The following SEMA3E variants were observed in gnomAD, a reference collection of about 807,000 sequenced individuals.
The protein encoded by SEMA3E is semaphorin 3E.
In SEMA3E, 49 loss-of-function variants were observed where a neutral mutation model predicts 93.6. The observed-to-expected ratio is 0.52, with a 90% CI of 0.42 to 0.66. The LOEUF is 0.66. Ranked by LOEUF, SEMA3E falls within the 30% of genes least tolerant of loss-of-function variation. SEMA3E has a pLI of 0.00. For synonymous variants in SEMA3E, 363 were observed against 330.7 expected (o/e 1.10, Z -1.06); for missense variants, 906 against 964.8 (o/e 0.94, Z 0.81).
chr7:83,385,416 T>A lies in SEMA3E; in HGVS notation c.1753A>T (p.Thr585Ser), dbSNP rs1166890439. Residue 585 changes from threonine (T) to serine (S), a missense_variant, in exon 16 of 17, where the codon ACT (threonine) becomes TCT (serine). Coordinates refer to ENST00000643230, the MANE Select transcript of SEMA3E (RefSeq NM_012431.3). Reference sequence around the variant, plus strand: ...ATGCCATAAGCCAGATGTTCTTCAGTCTTATCCAAAGCATCCCCTACAACA... The same window carrying A: ...ATGCCATAAGCCAGATGTTCTTCAGACTTATCCAAAGCATCCCCTACAACA... ...QQFVGDALDK[T>S]EEHLAYGIEN... 6.2e-7 allele frequency: 1 copy of A among 1,613,450 alleles called. No individual in the cohort carries two copies. Among genetic ancestry groups the A allele is most frequent in the Non-Finnish European group, 8.5e-7 (1 of 1,179,536 alleles).
intron 4 of SEMA3E, among the ~76,000 whole-genome samples, chr7:83,463,765 C>A (rs1396734857): frequency 6.6e-6 from 1 of 152,128 alleles, no homozygotes; most frequent in African/African-American, 2.4e-5. Flanking sequence ...GAAATCTATC[C>A]TCAAGGAAAT....
chr7:83,413,791 TGTTTA>T (rs1788489239), intron 5 of SEMA3E, among the ~76,000 whole-genome samples: 1 of 152,166 alleles, frequency 6.6e-6, no homozygotes, highest in Admixed American at 6.6e-5. Context: ...CTTTTGAATC[TGTTTA>T]TTTGTGTGTG....
intron 1 of SEMA3E, among the ~76,000 whole-genome samples, chr7:83,558,119 A>T (rs1791957910): frequency 6.6e-6 from 1 of 152,158 alleles, no homozygotes; most frequent in South Asian, 2.1e-4. Flanking sequence ...TAATATTTGT[A>T]ATTTAACAAT....
rs116591136 is a variant in SEMA3E, at chr7:83,588,693, T to C, written c.115+59735A>G. On this transcript the variant is annotated intron_variant, in intron 1 of 16. Coordinates refer to ENST00000643230, the MANE Select transcript of SEMA3E (RefSeq NM_012431.3). ...CTCTATCCTACTCACCTTAAAATGA[T>C]TTAATTTTGATCCTAAATGTTTTAA... 6.2e-3 allele frequency among the ~76,000 whole-genome samples: 940 copies of C among 152,292 alleles called. 9 individuals carry two copies. Among genetic ancestry groups the C allele is most frequent in the African/African-American group, 0.022 (904 of 41,562 alleles).
intron 1 of SEMA3E, among the ~76,000 whole-genome samples, chr7:83,549,159 G>A (rs1250310234): frequency 6.6e-6 from 1 of 152,066 alleles, no homozygotes; most frequent in Non-Finnish European, 1.5e-5. Context: ...CAATTTTTGA[G>A]TTATATGGAA....
intron 2 of SEMA3E, among the ~76,000 whole-genome samples, chr7:83,477,943 G>A (rs1009569166): frequency 1.5e-4 from 22 of 149,816 alleles, no homozygotes; most frequent in African/African-American, 4.4e-4. Context: ...TTTTTGAGAC[G>A]GAGTTTCACT....
intron 4 of SEMA3E, among the ~76,000 whole-genome samples, chr7:83,419,079 T>C: frequency 6.6e-6 from 1 of 150,540 alleles, no homozygotes; most frequent in Admixed American, 6.7e-5. Context: ...CTCCAGTCTC[T>C]ATTATTGCCA....
chr7:83,392,882 A>G (rs1429204114), intron 13 of SEMA3E, among the ~76,000 whole-genome samples, 161 bp from the exon 14 acceptor site: 1 of 152,070 alleles, frequency 6.6e-6, no homozygotes, highest in Non-Finnish European at 1.5e-5. Flanking sequence ...AGCCTGCACA[A>G]CATGGCAAAA....
Position 83,367,522 on chromosome 7 carries a change from A to ATTTAT in SEMA3E, c.*63_*64insATAAA. On this transcript the variant is annotated 3_prime_UTR_variant, in exon 17 of 17. Coordinates refer to ENST00000643230, the MANE Select transcript of SEMA3E (RefSeq NM_012431.3). Reference sequence around the variant, plus strand: ...GTAATGCAAAGAAGTTGGATGATTTATTTTTTTACTTTTTTACTTTCCAAA... The same window carrying ATTTAT: ...GTAATGCAAAGAAGTTGGATGATTTATTTATTTTTTTTACTTTTTTACTTTCCAAA... The ATTTAT allele has an allele frequency of 6.5e-7, 1 of 1,535,110 alleles. No individual in the cohort carries two copies. Among genetic ancestry groups the ATTTAT allele is most frequent in the African/African-American group, 1.4e-5 (1 of 73,138 alleles).
At chr7:83,620,720 G>C (rs1464526795) in intron 1 of SEMA3E, among the ~76,000 whole-genome samples, 1 of 151,792 alleles carries the variant, frequency 6.6e-6, no homozygotes, top group East Asian at 1.9e-4. Context: ...AATTCATCAC[G>C]TAAACAGAAG....
At chr7:83,503,207 C>T (rs955186668) in intron 1 of SEMA3E, among the ~76,000 whole-genome samples, 7 of 151,900 alleles carry the variant, frequency 4.6e-5, no homozygotes, top group East Asian at 1.9e-4. Flanking sequence ...ACAGCTACTG[C>T]GTATTTTTAG....
chr7:83,591,121 A>AAAC lies in SEMA3E; in HGVS notation c.115+57306_115+57307insGTT, dbSNP rs1301693114. On this transcript the variant is annotated intron_variant, in intron 1 of 16. Coordinates refer to ENST00000643230, the MANE Select transcript of SEMA3E (RefSeq NM_012431.3). ...GAGTTATTTGCAAAAAAAAAAAAAA[A>AAAC]ACAAGAGGAATTCTTTAAGGAATAG... 2.3e-3 allele frequency among the ~76,000 whole-genome samples: 335 copies of AAAC among 143,040 alleles called. 1 individual carries two copies. The highest frequency in any genetic ancestry group is 9.3e-3 in the African/African-American group (312 of 33,704). 93.8% of individuals were successfully genotyped at this position (143,040 alleles called of 152,430 possible). A position where few individuals can be genotyped will look rare whatever the true frequency, so the allele number is the denominator to read the frequency against.
At chr7:83,420,173 C>T (rs1312110081) in intron 4 of SEMA3E, among the ~76,000 whole-genome samples, 1 of 152,068 alleles carries the variant, frequency 6.6e-6, no homozygotes, top group Non-Finnish European at 1.5e-5. Flanking sequence ...AAATTAAGAA[C>T]ACAATCTAAT....
chr7:83,623,100 T>C (rs1159837206), intron 1 of SEMA3E, among the ~76,000 whole-genome samples: 1 of 152,194 alleles, frequency 6.6e-6, no homozygotes, highest in Non-Finnish European at 1.5e-5. Flanking sequence ...ATTCTAAATC[T>C]ATGTGAGGAG....
chr7:83,364,467 A>T lies in SEMA3E; in HGVS notation c.*3119T>A, dbSNP rs971993337. ...TTCCCTTTTTTCTAGAGCTCTTATT[A>T]GTGTTTATCCTTATTTTTAATCCCT... On this transcript the variant is annotated 3_prime_UTR_variant, in exon 17 of 17. Transcript: ENST00000643230. 7 of 152,280 alleles carry T rather than the reference A, an allele frequency of 4.6e-5. No homozygotes were observed. In the South Asian group the frequency reaches 1.4e-3, roughly 32 times the overall value. The allele number at this position is 152,280 out of a possible 1,614,324, so 9.4% of individuals were successfully genotyped here.
intron 1 of SEMA3E, among the ~76,000 whole-genome samples, chr7:83,527,646 A>G (rs932687030): frequency 1.3e-5 from 2 of 152,288 alleles, no homozygotes; most frequent in Middle Eastern, 3.4e-3. Context: ...TTGGGGTTTC[A>G]ATATTTCATC....
chr7:83,388,330 A>AAT (rs1002231378), intron 14 of SEMA3E, among the ~76,000 whole-genome samples: 6 of 147,270 alleles, frequency 4.1e-5, no homozygotes, highest in Non-Finnish European at 6.0e-5. Context: ...AATAAAAAAA[A>AAT]ATATATATAT....
At chr7:83,465,057 A>G (rs913325828) in intron 4 of SEMA3E, among the ~76,000 whole-genome samples, 1 of 151,860 alleles carries the variant, frequency 6.6e-6, no homozygotes, top group Non-Finnish European at 1.5e-5. Flanking sequence ...ACCTTAACTG[A>G]TGACATTCCG....
chr7:83,406,308 T>C (rs1415892549), intron 7 of SEMA3E, among the ~76,000 whole-genome samples: 1 of 152,010 alleles, frequency 6.6e-6, no homozygotes, highest in Non-Finnish European at 1.5e-5. Context: ...TTTGCAGATA[T>C]TAAACAATAT....
Sources: gnomAD v4.1 joint callset for allele counts (sites outside exome capture counted in the v4.1 genomes callset) on GRCh38, gnomAD v4.1.1 for gene constraint, MANE v1.5 for transcripts, NCBI Gene and HGNC (gene_info 2026-07-23, HGNC 2026-07-21) for gene names.